CFAP54: variants seen among roughly 807,000 people sequenced by gnomAD.
CFAP54 encodes cilia and flagella associated protein 54, also known as cilia- and flagella-associated protein 54.
CFAP54 carries 290 observed loss-of-function variants against 370.4 expected under a neutral mutation model. That is an observed-to-expected ratio of 0.78 (90% CI 0.71 to 0.86). CFAP54 has a LOEUF of 0.86. Ranked by LOEUF, CFAP54 falls within the 40% of genes least tolerant of loss-of-function variation. The pLI is 0.00. For missense variants in CFAP54, 3,399 were observed against 3,528.7 expected, an observed-to-expected ratio of 0.96 and a Z score of 0.93; for synonymous variants, 1,206 against 1,236.5, an observed-to-expected ratio of 0.98 and a Z score of 0.52.
At chr12:96,584,293 G>T (rs1956056390) in intron 22 of CFAP54, among the ~76,000 whole-genome samples, 1 of 151,976 alleles carries the variant, frequency 6.6e-6, no homozygotes, top group South Asian at 2.1e-4. Flanking sequence ...GCGAAACCCT[G>T]TCTCTATTAA....
In CFAP54 at chr12:96,540,862, A is replaced by G. The variant is rs2136387860; in HGVS notation, c.1952A>G (p.Asn651Ser). The G allele has an allele frequency of 1.4e-6, 2 of 1,463,328 alleles. No homozygotes were observed. Among genetic ancestry groups the G allele is most frequent in the Non-Finnish European group, 9.0e-7 (1 of 1,114,456 alleles). 90.6% of individuals were successfully genotyped at this position (1,463,328 alleles called of 1,614,324 possible). ...TGGATTTATCTTCTGTGGCAGATAA[A>G]TGAAGTAATTCACTGCTATAAAATG... Reference protein sequence around the residue: ...NKWIYLLWQINEVIHCYKMED... With the variant: ...NKWIYLLWQISEVIHCYKMED... Residue 651 changes from asparagine to serine, a missense_variant, in exon 14 of 68, where the codon AAT becomes AGT. Asn to Ser is a conservative substitution (Grantham distance 46). Coordinates refer to ENST00000524981, the MANE Select transcript of CFAP54 (RefSeq NM_001306084.2).
intron 66 of CFAP54, among the ~76,000 whole-genome samples, chr12:96,859,389 TTTTG>T (rs1324165783): frequency 1.7e-4 from 21 of 126,902 alleles, no homozygotes; most frequent in African/African-American, 4.3e-4. Context: ...AGAATGCACT[TTTTG>T]TTTGTTTGTT....
intron 47 of CFAP54, among the ~76,000 whole-genome samples, chr12:96,708,032 G>A (rs1484387402): frequency 1.3e-5 from 2 of 152,118 alleles, no homozygotes; most frequent in South Asian, 4.1e-4. Context: ...TTCTCCAGCC[G>A]TTTTCCACCC....
intron 35 of CFAP54, among the ~76,000 whole-genome samples, 192 bp from the exon 36 acceptor site, chr12:96,651,392 CACTT>C (rs928854433): frequency 2.0e-5 from 3 of 152,128 alleles, no homozygotes; most frequent in African/African-American, 7.2e-5. Flanking sequence ...ACCTAGTGCA[CACTT>C]ACTTCATGGA....
intron 19 of CFAP54, among the ~76,000 whole-genome samples, chr12:96,570,437 A>AT (rs901621215): frequency 1.1e-4 from 16 of 149,504 alleles, no homozygotes; most frequent in African/African-American, 2.7e-4. Flanking sequence ...TACATTTTGG[A>AT]TTTTTTTTCT....
chr12:96,796,587 T>C (rs7954771), intron 63 of CFAP54, among the ~76,000 whole-genome samples: 50,707 of 152,004 alleles, frequency 0.33, 8,744 homozygotes, highest in South Asian at 0.54. Flanking sequence ...TCAGTTCTGA[T>C]TGGGCCAATA....
At chr12:96,509,672 C>T (rs187409061) in intron 4 of CFAP54, among the ~76,000 whole-genome samples, 1 of 151,814 alleles carries the variant, frequency 6.6e-6, no homozygotes, top group African/African-American at 2.4e-5. Flanking sequence ...AAAAATTATC[C>T]GGGTGTGGTG....
At chr12:96,606,907 C>G (rs1189277817) in intron 26 of CFAP54, among the ~76,000 whole-genome samples, 1 of 152,144 alleles carries the variant, frequency 6.6e-6, no homozygotes, top group Non-Finnish European at 1.5e-5. Flanking sequence ...TATCTGCCTG[C>G]CTGTTTTTAT....
At position 96,832,485 on chromosome 12, in the gene CFAP54, C is replaced by T. The variant is rs141539555; in HGVS notation, c.9171+3397C>T. ...AAAAAGTACAAATTCCAACCTCTCA[C>T]AGTTGTTGTGAAGATTAAAGTAGAT... On this transcript the variant is annotated intron_variant, in intron 66 of 67. Transcript: ENST00000524981. Among the ~76,000 whole-genome samples, 16 of 152,038 alleles carry T rather than the reference C, an allele frequency of 1.1e-4. No homozygotes were observed. In the East Asian group the frequency reaches 1.2e-3, roughly 11 times the overall value.
Position 96,761,812 on chromosome 12 carries a change from T to C in CFAP54, c.8041-2339T>C, listed in dbSNP as rs368269312. On this transcript the variant is annotated intron_variant, in intron 58 of 67. Coordinates refer to ENST00000524981, the MANE Select transcript of CFAP54 (RefSeq NM_001306084.2). ...AATTAATTATAAATGCAAATGTTTA[T>C]TCCTGGATTTTCAATCCTGTTTCAT... 9.8e-5 allele frequency among the ~76,000 whole-genome samples: 15 copies of C among 152,360 alleles called. No individual in the cohort carries two copies. In the South Asian group the frequency reaches 2.9e-3, roughly 29 times the overall value.
chr12:96,612,856 C>A (rs181235086), intron 26 of CFAP54, among the ~76,000 whole-genome samples: 2 of 152,256 alleles, frequency 1.3e-5, no homozygotes, highest in African/African-American at 4.8e-5. Context: ...TACAGAAGCA[C>A]CCAGATTCGT....
intron 66 of CFAP54, among the ~76,000 whole-genome samples, chr12:96,846,303 A>AC (rs1231204431): frequency 1.3e-5 from 2 of 152,034 alleles, no homozygotes; most frequent in Non-Finnish European, 2.9e-5. Flanking sequence ...TGAGCCCTGA[A>AC]CCACTGGCCC....
chr12:96,764,173 C>T lies in CFAP54; in HGVS notation c.8063C>T (p.Ser2688Phe), dbSNP rs537859109. Residue 2688 changes from serine (S) to phenylalanine (F), a missense_variant, in exon 59 of 68, where the codon TCT becomes TTT. Around this residue, in one of 3 missense-constraint regions of CFAP54, gnomAD observed 2,796 missense variants for 2,869.7 expected, o/e 0.97. Coordinates refer to ENST00000524981, the MANE Select transcript of CFAP54 (RefSeq NM_001306084.2). The part of the protein sequence containing the change: ...TLKPPLRRSS[S>F]VKETSANKFE... ...TAGCCTCCTCTCAGAAGAAGTAGTT[C>T]TGTTAAAGAAACATCAGCAAATAAA... is the stretch of plus-strand genomic sequence containing the variant. The T allele has an allele frequency of 1.2e-6, 2 of 1,612,244 alleles. No homozygotes were observed. Among genetic ancestry groups the T allele is most frequent in the Admixed American group, 3.3e-5 (2 of 59,870 alleles).
At position 96,727,854 on chromosome 12, in the gene CFAP54, T is replaced by C. The variant is rs1004882535; in HGVS notation, c.6965+7289T>C. On this transcript the variant is annotated intron_variant, in intron 50 of 67. Transcript: ENST00000524981. ...CATGTTTAGTGCTTCCTTCAGGAGC[T>C]CTTTTAGGGCAGGCCTGGTGGTGAC... Among the ~76,000 whole-genome samples, 5 of 151,752 alleles carry C rather than the reference T, an allele frequency of 3.3e-5. No homozygotes were observed. In the East Asian group the frequency reaches 5.8e-4, roughly 18 times the overall value.
At chr12:96,562,898 A>G (rs1298069312) in intron 17 of CFAP54, among the ~76,000 whole-genome samples, 2 of 152,210 alleles carry the variant, frequency 1.3e-5, no homozygotes, top group Non-Finnish European at 2.9e-5. Flanking sequence ...TCTCTGTGTC[A>G]TCATGTATAA....
chr12:96,732,463 A>G (rs1382888421), intron 50 of CFAP54, among the ~76,000 whole-genome samples: 1 of 152,202 alleles, frequency 6.6e-6, no homozygotes, highest in Non-Finnish European at 1.5e-5. Context: ...TAAACAAGAC[A>G]TTAAAGAGAT....
chr12:96,819,387 T>C (rs139240672), intron 65 of CFAP54, among the ~76,000 whole-genome samples: 2 of 152,320 alleles, frequency 1.3e-5, no homozygotes, highest in East Asian at 3.9e-4. Context: ...AAATAATTTA[T>C]ATGCTGTACC....
At chr12:96,835,390 G>A (rs916411467) in intron 66 of CFAP54, among the ~76,000 whole-genome samples, 3 of 152,128 alleles carry the variant, frequency 2.0e-5, no homozygotes, top group Non-Finnish European at 2.9e-5. Flanking sequence ...AGGTGGCCAA[G>A]GGTGGGCCCG....
intron 66 of CFAP54, among the ~76,000 whole-genome samples, chr12:96,854,329 T>C (rs1167405800): frequency 6.6e-6 from 1 of 152,068 alleles, no homozygotes; most frequent in Non-Finnish European, 1.5e-5. Flanking sequence ...AGTAGCGAAA[T>C]AGCAAAACAA....
Sources: gnomAD v4.1 joint callset for allele counts (sites outside exome capture counted in the v4.1 genomes callset) on GRCh38, gnomAD v4.1.1 for gene constraint, gnomAD v4.1.1 regional missense constraint, MANE v1.5 for transcripts, NCBI Gene and HGNC (gene_info 2026-07-23, HGNC 2026-07-21) for gene names.